Variants in PPA2 observed in about 807,000 individuals in gnomAD.
The protein encoded by PPA2 is inorganic pyrophosphatase 2.
PPA2 carries 48 observed loss-of-function variants against 49.5 expected under a neutral mutation model. The observed-to-expected ratio is 0.97, with a 90% CI of 0.77 to 1.23. The LOEUF (loss-of-function observed/expected upper bound fraction) is 1.23. Among genes scored for constraint, PPA2 ranks in the 50% most tolerant of loss-of-function variants. The pLI, the probability that PPA2 is intolerant of heterozygous loss-of-function variation, is 0.00. For missense variants in PPA2, 429 were observed against 410.1 expected (o/e 1.05, Z -0.40); for synonymous variants, 131 against 139.9 (o/e 0.94, Z 0.45).
At chr4:105,473,461 A>C in intron 1 of PPA2, 1 of 383,374 alleles carries the variant, frequency 2.6e-6, no homozygotes, top group South Asian at 2.0e-5. Flanking sequence ...CCGCAGTAGG[A>C]GGTTTCTTAC....
At chr4:105,430,809 T>C (rs1723763145) in intron 6 of PPA2, among the ~76,000 whole-genome samples, 1 of 152,172 alleles carries the variant, frequency 6.6e-6, no homozygotes, top group South Asian at 2.1e-4. Context: ...GAAAAGAAAA[T>C]GATTTACCAA....
chr4:105,373,524 G>C (rs1733112525), intron 10 of PPA2, among the ~76,000 whole-genome samples: 1 of 151,848 alleles, frequency 6.6e-6, no homozygotes, highest in Non-Finnish European at 1.5e-5. Context: ...GCTTCTTGTT[G>C]GAGTGCCAAA....
At chr4:105,400,860 A>G (rs1257111347) in intron 7 of PPA2, among the ~76,000 whole-genome samples, 2 of 152,160 alleles carry the variant, frequency 1.3e-5, no homozygotes, top group African/African-American at 4.8e-5. Flanking sequence ...CAAAGACACA[A>G]ATTAGGAAAA....
At chr4:105,448,583 A>C (rs901484722) in intron 4 of PPA2, among the ~76,000 whole-genome samples, 1 of 151,700 alleles carries the variant, frequency 6.6e-6, no homozygotes, top group African/African-American at 2.4e-5. Flanking sequence ...TTTAAAAAAA[A>C]AAAAAAAGCT....
chr4:105,441,237 A>C (rs1456154180), intron 5 of PPA2, among the ~76,000 whole-genome samples: 1 of 152,198 alleles, frequency 6.6e-6, no homozygotes, highest in Non-Finnish European at 1.5e-5. Context: ...GACTTTAGAA[A>C]TAGTTTTGGC....
chr4:105,440,583 T>C (rs17035595), intron 5 of PPA2, among the ~76,000 whole-genome samples: 5,030 of 152,246 alleles, frequency 0.033, 275 homozygotes, highest in African/African-American at 0.11. Context: ...TTAGACACAT[T>C]CTAGCCCTAA....
chr4:105,373,393 T>C (rs759952557), intron 10 of PPA2, among the ~76,000 whole-genome samples: 11 of 152,154 alleles, frequency 7.2e-5, no homozygotes, highest in Admixed American at 2.6e-4. Flanking sequence ...GAAATTGCTA[T>C]ATACTCCTTA....
intron 9 of PPA2, among the ~76,000 whole-genome samples, chr4:105,393,843 C>G (rs536102386): frequency 2.0e-5 from 3 of 152,028 alleles, no homozygotes; most frequent in Non-Finnish European, 4.4e-5. Context: ...CAATTCATTA[C>G]AGAAAGGCAA....
intron 9 of PPA2, among the ~76,000 whole-genome samples, chr4:105,392,351 G>A (rs1005487176): frequency 6.6e-6 from 1 of 151,982 alleles, no homozygotes; most frequent in African/African-American, 2.4e-5. Context: ...CTCCTGAAAA[G>A]AGAAGAGTCA....
At chr4:105,433,860 G>T (rs1380198660) in intron 6 of PPA2, among the ~76,000 whole-genome samples, 1 of 152,184 alleles carries the variant, frequency 6.6e-6, no homozygotes, top group African/African-American at 2.4e-5. Flanking sequence ...GATGATATTT[G>T]CAGCTCTGAA....
At chr4:105,419,681 A>G (rs774070288) in intron 7 of PPA2, among the ~76,000 whole-genome samples, 3 of 152,220 alleles carry the variant, frequency 2.0e-5, no homozygotes, top group Non-Finnish European at 4.4e-5. Flanking sequence ...TAAAACAGGG[A>G]TATATAGTCT....
intron 6 of PPA2, among the ~76,000 whole-genome samples, chr4:105,430,346 A>G (rs1483514115): frequency 1.3e-5 from 2 of 152,222 alleles, no homozygotes; most frequent in African/African-American, 4.8e-5. Context: ...CTAAACTGAA[A>G]TCTGAATTCC....
intron 1 of PPA2, among the ~76,000 whole-genome samples, chr4:105,464,687 C>G (rs368240345): frequency 1.3e-5 from 2 of 152,246 alleles, no homozygotes; most frequent in African/African-American, 4.8e-5. Context: ...CTCATGAGAT[C>G]TGATGATTAT....
chr4:105,449,520 C>A, intron 3 of PPA2, 117 bp from the exon 4 acceptor site: 1 of 587,002 alleles, frequency 1.7e-6, no homozygotes, highest in South Asian at 2.6e-5. Flanking sequence ...AATGTTGAGT[C>A]TCCATCATAC....
chr4:105,464,568 G>C (rs564915483), intron 1 of PPA2, among the ~76,000 whole-genome samples: 1 of 152,180 alleles, frequency 6.6e-6, no homozygotes, highest in African/African-American at 2.4e-5. Flanking sequence ...TGGTTTGGCT[G>C]TGTCCCCACC....
chr4:105,463,285 C>A (rs1360350742), intron 1 of PPA2, among the ~76,000 whole-genome samples: 1 of 152,156 alleles, frequency 6.6e-6, no homozygotes, highest in Non-Finnish European at 1.5e-5. Flanking sequence ...AGCAAAGAGA[C>A]TGGCAGCATT....
intron 6 of PPA2, among the ~76,000 whole-genome samples, chr4:105,433,231 TTA>T (rs1723895494): frequency 6.6e-6 from 1 of 152,140 alleles, no homozygotes; most frequent in South Asian, 2.1e-4. Context: ...GAGGGACACT[TTA>T]TATGTTATTT....
At chr4:105,453,241 G>A (rs561153291) in intron 3 of PPA2, among the ~76,000 whole-genome samples, 2 of 152,124 alleles carry the variant, frequency 1.3e-5, no homozygotes, top group Admixed American at 6.5e-5. Context: ...CCAGGGCCTC[G>A]GGGGAGGGAG....
chr4:105,452,650 G>A (rs1222810010), intron 3 of PPA2, among the ~76,000 whole-genome samples: 1 of 152,148 alleles, frequency 6.6e-6, no homozygotes, highest in Non-Finnish European at 1.5e-5. Context: ...TTCAAATGCT[G>A]GAGCTGTAAG....
Sources: allele counts gnomAD v4.1 joint callset (sites outside exome capture counted in the v4.1 genomes callset), GRCh38; gene constraint gnomAD v4.1.1; transcripts MANE v1.5; gene names NCBI Gene and HGNC (gene_info 2026-07-23, HGNC 2026-07-21).